Variants in ZMIZ1 observed in about 807,000 individuals in gnomAD.
ZMIZ1 encodes the protein zinc finger MIZ domain-containing protein 1.
Under a neutral mutation model 113.9 loss-of-function variants are expected in ZMIZ1, and 17 were observed. The ratio of observed to expected loss-of-function variants is 0.15; its 90% CI spans 0.10 to 0.22. ZMIZ1 has a LOEUF of 0.22. Among genes scored for constraint, ZMIZ1 ranks in the 10% least tolerant of loss-of-function variants. The pLI, the probability that ZMIZ1 is intolerant of heterozygous loss-of-function variation, is 1.00. For missense variants in ZMIZ1, 1,059 were observed against 1,477.8 expected, an observed-to-expected ratio of 0.72 and a Z score of 4.65; for synonymous variants, 607 against 603.1, an observed-to-expected ratio of 1.01 and a Z score of -0.09.
rs547374083 is a variant in ZMIZ1, at chr10:79,244,650, C to T, written c.280+28376C>T. On this transcript the variant is annotated intron_variant, in intron 7 of 24. Transcript: ENST00000334512. ...TGTTGAGCAGGGCTGATGGCTCTTCCAGCAGGAAGGCTTTGTGTGGCAGGT... is the reference window on the plus strand; with the variant it reads ...TGTTGAGCAGGGCTGATGGCTCTTCTAGCAGGAAGGCTTTGTGTGGCAGGT... Among the ~76,000 whole-genome samples the T allele has an allele frequency of 8.4e-4, 128 of 152,344 alleles. 1 individual carries two copies. The highest frequency in any genetic ancestry group is 6.4e-3 in the Admixed American group (98 of 15,304).
intron 7 of ZMIZ1, among the ~76,000 whole-genome samples, chr10:79,244,845 G>A (rs1236277348): frequency 6.6e-6 from 1 of 152,178 alleles, no homozygotes; most frequent in African/African-American, 2.4e-5. Flanking sequence ...ATGTTACGTG[G>A]GGGCTCCGGC....
chr10:79,090,849 G>T (rs774243025), intron 1 of ZMIZ1, among the ~76,000 whole-genome samples: 1 of 152,228 alleles, frequency 6.6e-6, no homozygotes, highest in Non-Finnish European at 1.5e-5. Context: ...GGGCCATGCC[G>T]GGTTTGACAG....
At chr10:79,272,137 T>G (rs1449676783) in intron 7 of ZMIZ1, among the ~76,000 whole-genome samples, 2 of 151,834 alleles carry the variant, frequency 1.3e-5, no homozygotes, top group Admixed American at 1.3e-4. Context: ...ACACACAAAA[T>G]TAGCCAGGCG....
At chr10:79,082,991 T>G (rs73296104) in intron 1 of ZMIZ1, among the ~76,000 whole-genome samples, 1 of 152,144 alleles carries the variant, frequency 6.6e-6, no homozygotes, top group African/African-American at 2.4e-5. Context: ...ATGTATTCCT[T>G]TGTCAAGTTT....
At chr10:79,105,843 A>G in intron 1 of ZMIZ1, among the ~76,000 whole-genome samples, 1 of 152,258 alleles carries the variant, frequency 6.6e-6, no homozygotes, top group Middle Eastern at 3.2e-3. Flanking sequence ...GAAGGAAATG[A>G]CAAACATCAG....
At chr10:79,166,692 T>A (rs899661333) in intron 4 of ZMIZ1, among the ~76,000 whole-genome samples, 2 of 152,238 alleles carry the variant, frequency 1.3e-5, no homozygotes, top group Non-Finnish European at 2.9e-5. Flanking sequence ...GTACAGGAGC[T>A]GGCTGCCTGG....
chr10:79,295,607 G>C (rs531497059), intron 12 of ZMIZ1: 49 of 152,328 alleles, frequency 3.2e-4, no homozygotes, highest in African/African-American at 1.1e-3. Flanking sequence ...ACCCAGAGCA[G>C]CCACCATGTT....
At chr10:79,251,156 G>A (rs1850533256) in intron 7 of ZMIZ1, among the ~76,000 whole-genome samples, 1 of 152,086 alleles carries the variant, frequency 6.6e-6, no homozygotes, top group Non-Finnish European at 1.5e-5. Context: ...GGAGCGAGAG[G>A]CCCTCACCCC....
intron 1 of ZMIZ1, among the ~76,000 whole-genome samples, chr10:79,074,658 G>A (rs1158477245): frequency 6.6e-6 from 1 of 152,238 alleles, no homozygotes; most frequent in Non-Finnish European, 1.5e-5. Context: ...TTCGGGCTGA[G>A]TCAGTCCCCA....
chr10:79,150,466 C>G (rs1845669044), intron 3 of ZMIZ1, among the ~76,000 whole-genome samples: 1 of 152,242 alleles, frequency 6.6e-6, no homozygotes, highest in Admixed American at 6.5e-5. Flanking sequence ...TCCTCTCAGA[C>G]AAAGCCTGTG....
At chr10:79,176,505 A>C (rs867523216) in intron 4 of ZMIZ1, among the ~76,000 whole-genome samples, 1 of 152,050 alleles carries the variant, frequency 6.6e-6, no homozygotes, top group Non-Finnish European at 1.5e-5. Flanking sequence ...GGAGGTAGGG[A>C]GTCAGCCCTC....
intron 2 of ZMIZ1, among the ~76,000 whole-genome samples, chr10:79,122,974 C>T (rs940340362): frequency 6.6e-6 from 1 of 152,186 alleles, no homozygotes; most frequent in African/African-American, 2.4e-5. Context: ...CGCAGAGGTC[C>T]AGCCAGCTAG....
Position 79,176,942 on chromosome 10 carries a change from G to A in ZMIZ1, c.-50+14809G>A, listed in dbSNP as rs567276930. Among the ~76,000 whole-genome samples the A allele has an allele frequency of 5.8e-4, 88 of 152,326 alleles. No homozygotes were observed. The South Asian group carries it at 0.017, about 30-fold the overall frequency. On this transcript the variant is annotated intron_variant, in intron 4 of 24. Coordinates refer to ENST00000334512, the MANE Select transcript of ZMIZ1 (RefSeq NM_020338.4). ...GAGTTTGTGGCAATGTGTCTCCAGT[G>A]CATCTGCTGCTGACAAAACCGTGTA... is the stretch of plus-strand genomic sequence containing the variant.
intron 1 of ZMIZ1, among the ~76,000 whole-genome samples, chr10:79,096,917 A>G (rs1249552385): frequency 6.6e-6 from 1 of 152,222 alleles, no homozygotes; most frequent in Non-Finnish European, 1.5e-5. Context: ...GGGCCTTGAG[A>G]CAGGAAGGCC....
chr10:79,289,903 C>G lies in ZMIZ1; in HGVS notation c.540+14C>G, dbSNP rs1419396149. 1.2e-6 allele frequency: 2 copies of G among 1,609,802 alleles called. No individual in the cohort carries two copies. The highest frequency in any genetic ancestry group is 2.2e-5 in the East Asian group (1 of 44,820). On this transcript the variant is annotated intron_variant, in intron 9 of 24. Coordinates refer to ENST00000334512, the MANE Select transcript of ZMIZ1 (RefSeq NM_020338.4). ...TCCCAGAGCCAGGTAAGAGCCTATACTGCCCTCAGCCACAGCTCTTTCTAG... is the reference window on the plus strand; with the variant it reads ...TCCCAGAGCCAGGTAAGAGCCTATAGTGCCCTCAGCCACAGCTCTTTCTAG...
intron 17 of ZMIZ1, among the ~76,000 whole-genome samples, chr10:79,301,242 C>T (rs1260118330): frequency 6.6e-6 from 1 of 152,190 alleles, no homozygotes; most frequent in African/African-American, 2.4e-5. Context: ...CTGGCCCCTC[C>T]TCCCTACCCT....
chr10:79,287,048 C>G (rs1356594254), intron 8 of ZMIZ1, among the ~76,000 whole-genome samples: 1 of 152,244 alleles, frequency 6.6e-6, no homozygotes, highest in East Asian at 1.9e-4. Flanking sequence ...GGTCATCCAG[C>G]ACACCTAGGA....
At chr10:79,251,655 A>G (rs577846529) in intron 7 of ZMIZ1, among the ~76,000 whole-genome samples, 108 of 152,316 alleles carry the variant, frequency 7.1e-4, no homozygotes, top group African/African-American at 2.5e-3. Context: ...GCCTCCAGCC[A>G]GGGCCCCAGG....
chr10:79,270,282 G>A (rs1196331353), intron 7 of ZMIZ1, among the ~76,000 whole-genome samples: 1 of 152,206 alleles, frequency 6.6e-6, no homozygotes, highest in Non-Finnish European at 1.5e-5. Flanking sequence ...TGGGAAGCTG[G>A]CTCTTCCTCG....
Sources: allele counts gnomAD v4.1 joint callset (sites outside exome capture counted in the v4.1 genomes callset), GRCh38; gene constraint gnomAD v4.1.1; transcripts MANE v1.5; gene names NCBI Gene and HGNC (gene_info 2026-07-23, HGNC 2026-07-21).